POLR2B: variants seen among roughly 807,000 people sequenced by gnomAD.
POLR2B encodes DNA-directed RNA polymerase II subunit RPB2.
POLR2B carries 57 observed loss-of-function variants against 144.6 expected under a neutral mutation model. That is an observed-to-expected ratio of 0.39 (90% CI 0.32 to 0.49). The LOEUF is 0.49. POLR2B is among the 20% of genes least tolerant of loss of function. POLR2B has a pLI of 0.83. For synonymous variants in POLR2B, 442 were observed against 469.8 expected, an observed-to-expected ratio of 0.94 and a Z score of 0.77; for missense variants, 595 against 1,467.4, an observed-to-expected ratio of 0.41 and a Z score of 9.71.
chr4:57,006,465 C>T (rs909782088), intron 9 of POLR2B, among the ~76,000 whole-genome samples: 1 of 152,150 alleles, frequency 6.6e-6, no homozygotes, highest in African/African-American at 2.4e-5. Context: ...CCATCACACC[C>T]AGCTAATTTT....
At chr4:57,011,138 T>C in intron 13 of POLR2B, 38 bp downstream of exon 13, 1 of 1,319,460 alleles carries the variant, frequency 7.6e-7, no homozygotes, top group East Asian at 2.3e-5. Context: ...GACTGTGAGA[T>C]TTTTAAACAA....
chr4:56,989,996 T>C (rs1021874463), intron 2 of POLR2B, among the ~76,000 whole-genome samples: 1 of 152,242 alleles, frequency 6.6e-6, no homozygotes, highest in Non-Finnish European at 1.5e-5. Flanking sequence ...TATTTTTATG[T>C]AAAGACTTAT....
intron 24 of POLR2B, 158 bp from the exon 25 acceptor site, chr4:57,030,741 A>G (rs1386878843): frequency 3.4e-6 from 2 of 589,736 alleles, no homozygotes; most frequent in Non-Finnish European, 6.0e-6. Context: ...GCCTACTAGG[A>G]GAAAGAACCA....
intron 6 of POLR2B, among the ~76,000 whole-genome samples, chr4:56,996,365 C>T (rs1722688636): frequency 6.8e-6 from 1 of 147,732 alleles, no homozygotes; most frequent in Admixed American, 6.9e-5. Flanking sequence ...AGTGCAAGCT[C>T]CGCCTCCTGG....
chr4:56,992,639 A>T (rs1412872301), intron 3 of POLR2B, among the ~76,000 whole-genome samples: 1 of 143,500 alleles, frequency 7.0e-6, no homozygotes, highest in Non-Finnish European at 1.5e-5. Context: ...GGCTCACTGC[A>T]GGCTCCGCCT....
rs771707777 is a variant in POLR2B, at chr4:57,025,345, G to A, written c.3079-32G>A. 3 of 1,553,988 alleles carry A rather than the reference G, an allele frequency of 1.9e-6. No individual in the cohort carries two copies. The South Asian group carries it at 3.4e-5, about 17-fold the overall frequency. On this transcript the variant is annotated intron_variant, in intron 22 of 24. Coordinates refer to ENST00000314595, the MANE Select transcript of POLR2B (RefSeq NM_000938.3). ...CTTCTTTGACGTTGTTTAATTTTTA[G>A]GTCTACACTTCAAAATCTGTGTTTG...
At chr4:56,999,820 G>C in intron 7 of POLR2B, 39 bp downstream of exon 7, 1 of 1,393,322 alleles carries the variant, frequency 7.2e-7, no homozygotes, top group Non-Finnish European at 1.0e-6. Flanking sequence ...AGCTTTATAA[G>C]AGATTTAGAG....
At chr4:57,008,559 G>A (rs955888700) in intron 10 of POLR2B, among the ~76,000 whole-genome samples, 1 of 152,186 alleles carries the variant, frequency 6.6e-6, no homozygotes, top group Admixed American at 6.5e-5. Flanking sequence ...CCACATGCTG[G>A]AGATGCAGTG....
chr4:57,003,136 T>G (rs1340830051), intron 7 of POLR2B, among the ~76,000 whole-genome samples: 1 of 152,186 alleles, frequency 6.6e-6, no homozygotes, highest in Non-Finnish European at 1.5e-5. Context: ...AGTGTGTTTT[T>G]AAAATAACCT....
intron 1 of POLR2B, among the ~76,000 whole-genome samples, chr4:56,983,701 T>C (rs1722230422): frequency 6.6e-6 from 1 of 151,828 alleles, no homozygotes; most frequent in South Asian, 2.1e-4. Context: ...GAGACGGGGG[T>C]CTCGCTTTGT....
chr4:57,031,085 A>T lies in POLR2B; in HGVS notation c.*97A>T. 1 of 815,250 alleles carries T rather than the reference A, an allele frequency of 1.2e-6. No homozygotes were observed. The highest frequency in any genetic ancestry group is 2.1e-6 in the Non-Finnish European group (1 of 481,954). The allele number at this position is 815,250 out of a possible 1,614,324, so 50.5% of individuals were successfully genotyped here. ...TGACAAATATGTACTGTGTTGTGATAAAAAGTATTTTATTTGTTTAATGAT... is the reference window on the plus strand; with the variant it reads ...TGACAAATATGTACTGTGTTGTGATTAAAAGTATTTTATTTGTTTAATGAT... On this transcript the variant is annotated 3_prime_UTR_variant, in exon 25 of 25. Coordinates refer to ENST00000314595, the MANE Select transcript of POLR2B (RefSeq NM_000938.3).
intron 7 of POLR2B, 42 bp downstream of exon 7, chr4:56,999,823 A>G (rs1197676361): frequency 2.2e-6 from 3 of 1,369,644 alleles, no homozygotes; most frequent in Non-Finnish European, 3.1e-6. Flanking sequence ...TTTATAAGAG[A>G]TTTAGAGTTA....
intron 23 of POLR2B, among the ~76,000 whole-genome samples, chr4:57,027,979 G>A (rs1723779030): frequency 6.6e-6 from 1 of 152,166 alleles, no homozygotes; most frequent in African/African-American, 2.4e-5. Context: ...TTTGCTTGAA[G>A]CTCACAATTT....
intron 3 of POLR2B, 56 bp from the exon 4 acceptor site, chr4:56,994,347 TA>T: frequency 2.2e-6 from 2 of 912,242 alleles, no homozygotes; most frequent in Non-Finnish European, 3.5e-6. Flanking sequence ...ATGGAATCAC[TA>T]AAACTTTTAT....
chr4:57,025,972 C>T (rs1723704718), intron 23 of POLR2B, among the ~76,000 whole-genome samples: 1 of 151,920 alleles, frequency 6.6e-6, no homozygotes, highest in Non-Finnish European at 1.5e-5. Flanking sequence ...CGCAATGGCT[C>T]ATGTCTGCAA....
At chr4:56,996,262 GTA>G (rs1162674771) in intron 6 of POLR2B, among the ~76,000 whole-genome samples, 7 of 88,894 alleles carry the variant, frequency 7.9e-5, no homozygotes, top group East Asian at 4.7e-4. Flanking sequence ...GTGTGTGTGT[GTA>G]TATATATATA....
chr4:57,024,918 C>T lies in POLR2B; in HGVS notation c.2997C>T (p.Ala999=). Residue 999 remains alanine, a synonymous_variant, in exon 22 of 25, where the codon GCC becomes GCT. Coordinates refer to ENST00000314595, the MANE Select transcript of POLR2B (RefSeq NM_000938.3). ...VSANKGEIGD[A]TPFNDAVNVQ... is the part of the protein sequence containing the mutation. ...CTAACAAGGGTGAAATTGGTGATGC[C>T]ACTCCATTTAATGATGCTGTTAACG... 3 of 1,594,086 alleles carry T rather than the reference C, an allele frequency of 1.9e-6. No individual in the cohort carries two copies. The highest frequency in any genetic ancestry group is 2.6e-6 in the Non-Finnish European group (3 of 1,167,022).
intron 6 of POLR2B, 144 bp from the exon 7 acceptor site, chr4:56,999,473 T>G (rs1043511728): frequency 2.1e-6 from 1 of 478,340 alleles, no homozygotes; most frequent in African/African-American, 2.0e-5. Context: ...AAAGCAGTCA[T>G]AGGAGGTTCC....
At chr4:57,011,695 C>T (rs1228348220) in intron 13 of POLR2B, among the ~76,000 whole-genome samples, 5 of 151,492 alleles carry the variant, frequency 3.3e-5, no homozygotes, top group East Asian at 2.0e-4. Flanking sequence ...TGGTGGCGCG[C>T]GCCTGTAGTC....
Sources: allele counts gnomAD v4.1 joint callset (sites outside exome capture counted in the v4.1 genomes callset), GRCh38; gene constraint gnomAD v4.1.1; transcripts MANE v1.5; gene names NCBI Gene and HGNC (gene_info 2026-07-23, HGNC 2026-07-21).